AUTS2: variants seen among roughly 807,000 people sequenced by gnomAD.
The protein encoded by AUTS2 is activator of transcription and developmental regulator AUTS2, also known as autism susceptibility gene 2 protein.
In AUTS2, 17 loss-of-function variants were observed where a neutral mutation model predicts 112.4. The observed-to-expected ratio is 0.15, with a 90% CI of 0.10 to 0.23. AUTS2 has a LOEUF of 0.23. Among genes scored for constraint, AUTS2 ranks in the 10% least tolerant of loss-of-function variants. The pLI is 1.00. For missense variants in AUTS2, 1,510 were observed against 1,701.6 expected (o/e 0.89, Z 1.98); for synonymous variants, 751 against 702.7 (o/e 1.07, Z -1.09).
chr7:69,876,349 A>AATATATATATATATATAT (rs61416382), intron 1 of AUTS2, among the ~76,000 whole-genome samples: 1 of 29,492 alleles, frequency 3.4e-5, no homozygotes, highest in Non-Finnish European at 5.5e-5. Flanking sequence ...AAAAAAAAAA[A>AATATATATATATATATAT]ATATATATAT....
intron 5 of AUTS2, among the ~76,000 whole-genome samples, chr7:70,445,369 C>G (rs998140331): frequency 2.0e-5 from 3 of 152,296 alleles, no homozygotes; most frequent in Admixed American, 1.3e-4. Flanking sequence ...GTCATCCCCT[C>G]TGTGTCTCAC....
At chr7:69,742,352 G>C (rs1396189762) in intron 1 of AUTS2, among the ~76,000 whole-genome samples, 3 of 152,024 alleles carry the variant, frequency 2.0e-5, no homozygotes, top group Non-Finnish European at 4.4e-5. Context: ...ACAGTTCTAG[G>C]GGGAAAGATT....
intron 7 of AUTS2, 70 bp downstream of exon 7, chr7:70,763,411 G>C: frequency 8.6e-7 from 1 of 1,164,426 alleles, no homozygotes; most frequent in Non-Finnish European, 1.2e-6. Flanking sequence ...GGGAGTCGGG[G>C]AGGGATCCCT....
At chr7:70,231,496 G>T (rs1332334833) in intron 4 of AUTS2, among the ~76,000 whole-genome samples, 2 of 152,152 alleles carry the variant, frequency 1.3e-5, no homozygotes, top group Non-Finnish European at 2.9e-5. Context: ...AGGCTGGAGT[G>T]CAGTGGCACG....
chr7:70,488,900 G>A (rs1798130154), intron 5 of AUTS2, among the ~76,000 whole-genome samples: 1 of 152,056 alleles, frequency 6.6e-6, no homozygotes, highest in South Asian at 2.1e-4. Flanking sequence ...CTGTCCCACG[G>A]GCTCACTTTT....
At chr7:69,997,582 G>T (rs564128287) in intron 2 of AUTS2, among the ~76,000 whole-genome samples, 18 of 152,120 alleles carry the variant, frequency 1.2e-4, no homozygotes, top group African/African-American at 4.3e-4. Flanking sequence ...TTGCCTTCTC[G>T]TGAAGGCCTC....
intron 5 of AUTS2, among the ~76,000 whole-genome samples, chr7:70,462,645 C>T (rs1405518028): frequency 6.6e-6 from 1 of 151,992 alleles, no homozygotes; most frequent in African/African-American, 2.4e-5. Flanking sequence ...TCCTAGTCAC[C>T]ACTGGATGTT....
At chr7:70,053,118 A>G (rs868002494) in intron 2 of AUTS2, among the ~76,000 whole-genome samples, 1 of 152,338 alleles carries the variant, frequency 6.6e-6, no homozygotes, top group Non-Finnish European at 1.5e-5. Flanking sequence ...TATATATTTC[A>G]TAATATAAAA....
intron 2 of AUTS2, among the ~76,000 whole-genome samples, chr7:69,982,181 G>A (rs1176766985): frequency 6.6e-6 from 1 of 152,152 alleles, no homozygotes; most frequent in Non-Finnish European, 1.5e-5. Flanking sequence ...AAATAAACGG[G>A]TTTATAAGCT....
intron 5 of AUTS2, among the ~76,000 whole-genome samples, chr7:70,535,497 C>T (rs1800281203): frequency 6.6e-6 from 1 of 152,116 alleles, no homozygotes; most frequent in South Asian, 2.1e-4. Flanking sequence ...TCACTGCAAC[C>T]TCCGCCTCCC....
chr7:70,429,459 G>A (rs1013480605), intron 4 of AUTS2, among the ~76,000 whole-genome samples: 1 of 152,218 alleles, frequency 6.6e-6, no homozygotes, highest in East Asian at 1.9e-4. Flanking sequence ...CAGGCTTTTA[G>A]GTAGAAACTT....
At chr7:69,604,651 C>T (rs1360343676) in intron 1 of AUTS2, among the ~76,000 whole-genome samples, 3 of 152,116 alleles carry the variant, frequency 2.0e-5, no homozygotes, top group Non-Finnish European at 4.4e-5. Context: ...AATGAAGGCA[C>T]AGGAACAAGA....
chr7:70,375,869 CTT>C (rs1030783661), intron 4 of AUTS2, among the ~76,000 whole-genome samples: 6 of 152,126 alleles, frequency 3.9e-5, no homozygotes, highest in African/African-American at 1.4e-4. Flanking sequence ...CATTTTAAAA[CTT>C]ATTCCTAAAT....
chr7:70,213,237 C>T (rs1356588366), intron 4 of AUTS2, among the ~76,000 whole-genome samples: 5 of 151,762 alleles, frequency 3.3e-5, no homozygotes, highest in Middle Eastern at 3.4e-3. Flanking sequence ...GAAAAAGTTA[C>T]CATTTTAGGC....
At chr7:69,984,036 A>G (rs1798403464) in intron 2 of AUTS2, among the ~76,000 whole-genome samples, 1 of 152,202 alleles carries the variant, frequency 6.6e-6, no homozygotes, top group Non-Finnish European at 1.5e-5. Context: ...AACAAGTTAT[A>G]TGGTAAGAAA....
intron 5 of AUTS2, among the ~76,000 whole-genome samples, chr7:70,676,843 C>T (rs1273765299): frequency 6.6e-6 from 1 of 151,904 alleles, no homozygotes; most frequent in Admixed American, 6.6e-5. Flanking sequence ...TGCCATTGCA[C>T]TCCAGCCTGG....
chr7:69,964,892 C>T (rs1277269601), intron 2 of AUTS2, among the ~76,000 whole-genome samples: 1 of 151,972 alleles, frequency 6.6e-6, no homozygotes, highest in Non-Finnish European at 1.5e-5. Context: ...ACCATGAGCT[C>T]CTCTGGCCTC....
At position 70,135,164 on chromosome 7, in the gene AUTS2, C is replaced by A. The variant is rs180748802; in HGVS notation, c.660+593C>A. Among the ~76,000 whole-genome samples the A allele has an allele frequency of 2.5e-3, 375 of 152,158 alleles. 3 individuals carry two copies. Among genetic ancestry groups the A allele is most frequent in the African/African-American group, 8.5e-3 (355 of 41,530 alleles). On this transcript the variant is annotated intron_variant, in intron 4 of 18. Transcript: ENST00000342771. ...TTTGGGAAAGATGGCAGTGAGGTGA[C>A]CCTTCAGGGATTATCACAATATTGT...
At chr7:70,136,206 G>A (rs199952119) in intron 4 of AUTS2, among the ~76,000 whole-genome samples, 1 of 152,010 alleles carries the variant, frequency 6.6e-6, no homozygotes, top group Admixed American at 6.6e-5. Flanking sequence ...GGCTTTTACA[G>A]AACATTGGAT....
Sources: allele counts gnomAD v4.1 joint callset (sites outside exome capture counted in the v4.1 genomes callset), GRCh38; gene constraint gnomAD v4.1.1; transcripts MANE v1.5; gene names NCBI Gene and HGNC (gene_info 2026-07-23, HGNC 2026-07-21).